METTL9: variants seen among roughly 807,000 people sequenced by gnomAD.
METTL9 encodes the protein protein-L-histidine N-pros-methyltransferase.
In METTL9, 10 loss-of-function variants were observed where a neutral mutation model predicts 36.0. That is an observed-to-expected ratio of 0.28 (90% CI 0.17 to 0.47). The LOEUF is 0.47. Ranked by LOEUF, METTL9 falls within the 20% of genes least tolerant of loss-of-function variation. The pLI, the probability that METTL9 is intolerant of heterozygous loss-of-function variation, is 0.99. For missense variants in METTL9, 246 were observed against 383.5 expected (o/e 0.64, Z 3.00); for synonymous variants, 175 against 149.7 (o/e 1.17, Z -1.23).
intron 2 of METTL9, among the ~76,000 whole-genome samples, chr16:21,614,823 T>A (rs149663456): frequency 2.6e-5 from 4 of 152,334 alleles, no homozygotes; most frequent in Non-Finnish European, 5.9e-5. Context: ...TAGAGAGAAC[T>A]TAGATTGTGA....
At chr16:21,644,431 A>G (rs762863042) in intron 4 of METTL9, 6 of 1,408,866 alleles carry the variant, frequency 4.3e-6, no homozygotes, top group South Asian at 1.2e-5. Flanking sequence ...CACATTGACT[A>G]TTAAAGCCTA....
rs1024326529 is a variant in METTL9 at position 21,656,244 on chromosome 16, C to T, written c.*812C>T. ...AATAACCTGGTTCTGACTTTGTGAT[C>T]ACTCATGTCCCATACACTGAACTTT... On this transcript the variant is annotated 3_prime_UTR_variant, in exon 5 of 5. Coordinates refer to ENST00000358154, the MANE Select transcript of METTL9 (RefSeq NM_016025.5). 7.1e-6 allele frequency: 1 copy of T among 141,246 alleles called. No individual in the cohort carries two copies. Among genetic ancestry groups the T allele is most frequent in the Non-Finnish European group, 1.5e-5 (1 of 66,882 alleles). The allele number at this position is 141,246 out of a possible 1,614,324, so 8.7% of individuals were successfully genotyped here. A position where few individuals can be genotyped will look rare whatever the true frequency, so the allele number is the denominator to read the frequency against.
At position 21,633,117 on chromosome 16, in the gene METTL9, G is replaced by A. The variant is rs146762806; in HGVS notation, c.751+8002G>A. ...AAGCCCGTGATTCCAAGGAACCCCCGCAACTGTTTTAATGTCTTAGGGCAA... is the reference window on the plus strand; with the variant it reads ...AAGCCCGTGATTCCAAGGAACCCCCACAACTGTTTTAATGTCTTAGGGCAA... On this transcript the variant is annotated intron_variant, in intron 4 of 4. Transcript: ENST00000358154. Among the ~76,000 whole-genome samples the A allele has an allele frequency of 2.9e-3, 446 of 152,156 alleles. 3 individuals are homozygous for A. The highest frequency in any genetic ancestry group is 8.8e-3 in the African/African-American group (365 of 41,504).
At chr16:21,625,205 A>C in intron 4 of METTL9, 90 bp downstream of exon 4, 1 of 1,404,940 alleles carries the variant, frequency 7.1e-7, no homozygotes, top group African/African-American at 1.4e-5. Flanking sequence ...AATATTGTCT[A>C]GTATGTCTTA....
intron 3 of METTL9, among the ~76,000 whole-genome samples, chr16:21,621,348 A>G (rs1965688407): frequency 1.3e-5 from 2 of 150,094 alleles, no homozygotes; most frequent in Admixed American, 1.3e-4. Context: ...TTTTTTTGAG[A>G]CAAAGTCTCG....
Position 21,655,480 on chromosome 16 carries a change from C to T in METTL9, c.*48C>T. ...AGAGTCCGCACCCTCCGGGATGTGC[C>T]CTTGGAAGAGGGTCTGTGTTCACAA... On this transcript the variant is annotated 3_prime_UTR_variant, in exon 5 of 5. Transcript: ENST00000358154. 1 of 1,508,818 alleles carries T rather than the reference C, an allele frequency of 6.6e-7. No individual in the cohort carries two copies. 93.5% of individuals were successfully genotyped at this position (1,508,818 alleles called of 1,614,324 possible).
intron 4 of METTL9, chr16:21,640,012 CA>C (rs563053094): frequency 3.9e-5 from 6 of 152,074 alleles, no homozygotes; most frequent in Non-Finnish European, 7.3e-5. Context: ...GATCTCAGCT[CA>C]CTGCAACCTC....
chr16:21,640,588 TA>T (rs1260878298), intron 4 of METTL9: 1 of 51,364 alleles, frequency 1.9e-5, no homozygotes, highest in African/African-American at 7.8e-5. Context: ...CCGTCTCTAC[TA>T]AAAATACAAA....
chr16:21,629,447 A>G (rs577219538), intron 4 of METTL9, among the ~76,000 whole-genome samples: 1 of 152,076 alleles, frequency 6.6e-6, no homozygotes, highest in Non-Finnish European at 1.5e-5. Context: ...AGAACTCATA[A>G]ATTTCTATTG....
chr16:21,627,440 T>C, intron 4 of METTL9: 1 of 949,298 alleles, frequency 1.1e-6, no homozygotes. Context: ...TTATTTGGTT[T>C]ACTGACCCAG....
chr16:21,610,216 C>T (rs1965395428), intron 1 of METTL9, among the ~76,000 whole-genome samples: 1 of 152,228 alleles, frequency 6.6e-6, no homozygotes, highest in South Asian at 2.1e-4. Flanking sequence ...TTTGCATATT[C>T]AAGACATTTC....
At chr16:21,636,979 C>A (rs554407495) in intron 4 of METTL9, among the ~76,000 whole-genome samples, 1 of 152,140 alleles carries the variant, frequency 6.6e-6, no homozygotes, top group Non-Finnish European at 1.5e-5. Context: ...TTCTTGGTCT[C>A]GCTGACTTCA....
intron 3 of METTL9, 46 bp from the exon 4 acceptor site, chr16:21,624,885 C>A (rs752166075): frequency 3.2e-6 from 5 of 1,550,208 alleles, no homozygotes; most frequent in Non-Finnish European, 3.6e-6. Flanking sequence ...TTAAAGATGT[C>A]TTTAGAGGGA....
chr16:21,625,750 AAGTTAT>A (rs1340737786), intron 4 of METTL9, among the ~76,000 whole-genome samples: 18 of 152,124 alleles, frequency 1.2e-4, no homozygotes, highest in Non-Finnish European at 2.5e-4. Flanking sequence ...ATGCCACATT[AAGTTAT>A]AGTTTTAGTT....
intron 4 of METTL9, among the ~76,000 whole-genome samples, chr16:21,636,144 AG>A (rs1467101141): frequency 7.9e-5 from 12 of 152,188 alleles, no homozygotes; most frequent in African/African-American, 2.9e-4. Flanking sequence ...GAGGGAGGGA[AG>A]GGATCTCCAG....
At chr16:21,645,877 T>C (rs1468902841) in intron 4 of METTL9, among the ~76,000 whole-genome samples, 1 of 152,206 alleles carries the variant, frequency 6.6e-6, no homozygotes, top group Non-Finnish European at 1.5e-5. Context: ...ATAATTTAGC[T>C]GACAGATGAG....
intron 4 of METTL9, chr16:21,654,950 A>G: frequency 2.2e-6 from 1 of 447,382 alleles, no homozygotes; most frequent in Non-Finnish European, 4.0e-6. Context: ...AGAGAAGATA[A>G]CAGTGTGGGG....
At chr16:21,652,526 C>A (rs1966603754) in intron 4 of METTL9, 1 of 1,604,928 alleles carries the variant, frequency 6.2e-7, no homozygotes, top group Non-Finnish European at 8.5e-7. Context: ...AGAAAAAGAA[C>A]CTTACCGACA....
chr16:21,647,362 C>T (rs756961815), intron 4 of METTL9: 18 of 1,614,164 alleles, frequency 1.1e-5, no homozygotes, highest in East Asian at 2.2e-5. Flanking sequence ...AGCGAAACCA[C>T]AGGCATGTTG....
Sources: gnomAD v4.1 joint callset for allele counts (sites outside exome capture counted in the v4.1 genomes callset) on GRCh38, gnomAD v4.1.1 for gene constraint, MANE v1.5 for transcripts, NCBI Gene and HGNC (gene_info 2026-07-23, HGNC 2026-07-21) for gene names.